Variants in RANGAP1 observed in about 807,000 individuals in gnomAD.
RANGAP1 encodes the protein Ran GTPase activating protein 1, also known as ran GTPase-activating protein 1.
In RANGAP1, 38 loss-of-function variants were observed where a neutral mutation model predicts 63.5. The observed-to-expected ratio is 0.60, with a 90% confidence interval of 0.46 to 0.78. The LOEUF (loss-of-function observed/expected upper bound fraction) is 0.78, where lower values mean the gene tolerates loss of function less well. Among genes scored for constraint, RANGAP1 ranks in the 30% least tolerant of loss-of-function variants. RANGAP1 has a pLI of 0.00. For synonymous variants in RANGAP1, 329 were observed against 310.5 expected (o/e 1.06, Z -0.63); for missense variants, 630 against 740.3 (o/e 0.85, Z 1.73).
the RANGAP1 span, among the ~76,000 whole-genome samples, chr22:41,294,621 G>A: frequency 2.1e-5 from 3 of 143,646 alleles, no homozygotes; most frequent in South Asian, 2.4e-4. Flanking sequence ...GCCTCTTCCC[G>A]GCCGCCATCC....
chr22:41,286,311 G>C (rs568633122), upstream of RANGAP1: 2 of 152,298 alleles, frequency 1.3e-5, no homozygotes, highest in Non-Finnish European at 2.9e-5. Flanking sequence ...GAGTAGTCCG[G>C]TTCCCCATCT....
chr22:41,280,988 G>C lies in RANGAP1; in HGVS notation c.57C>G (p.Ala19=), dbSNP rs777396352. 1.9e-6 allele frequency: 3 copies of C among 1,613,496 alleles called. No homozygotes were observed. The highest frequency in any genetic ancestry group is 1.1e-5 in the South Asian group (1 of 91,036). The change falls in exon 2 of 16, where the codon GCC becomes GCG. Residue 19 remains alanine (A), a synonymous_variant. Transcript: ENST00000356244. ...TGCCTTTGAAACTCAGCTGTCCCCC[G>C]GCCACCTGAGTCTTGGCAAGTGTCT... ...LAETLAKTQV[A]GGQLSFKGKS... is the part of the protein sequence containing the mutation.
intron 4 of RANGAP1, among the ~76,000 whole-genome samples, chr22:41,265,852 C>T (rs1479018829): frequency 1.3e-5 from 2 of 152,168 alleles, no homozygotes; most frequent in African/African-American, 4.8e-5. Context: ...TACCATCCTC[C>T]CACCACTCAG....
chr22:41,264,259 G>A (rs1278176039), intron 5 of RANGAP1, among the ~76,000 whole-genome samples: 1 of 148,934 alleles, frequency 6.7e-6, no homozygotes, highest in Non-Finnish European at 1.5e-5. Flanking sequence ...GCAAGGCCCT[G>A]TCTAGGAATA....
chr22:41,281,697 A>G, intron 1 of RANGAP1: 1 of 930,094 alleles, frequency 1.1e-6, no homozygotes, highest in Non-Finnish European at 1.3e-6. Context: ...ACATCACAAC[A>G]GCTACCATCA....
chr22:41,255,421 C>G (rs897004537), intron 10 of RANGAP1, among the ~76,000 whole-genome samples: 1 of 152,122 alleles, frequency 6.6e-6, no homozygotes, highest in Non-Finnish European at 1.5e-5. Context: ...GGCCACTCCC[C>G]GGCCACCCAC....
chr22:41,273,091 C>T (rs1159476953), intron 3 of RANGAP1, among the ~76,000 whole-genome samples: 1 of 152,114 alleles, frequency 6.6e-6, no homozygotes, highest in African/African-American at 2.4e-5. Context: ...CCATCGTGCC[C>T]GACTGATCGT....
intron 3 of RANGAP1, among the ~76,000 whole-genome samples, chr22:41,268,621 T>G (rs2034620064): frequency 6.6e-6 from 1 of 152,192 alleles, no homozygotes; most frequent in Non-Finnish European, 1.5e-5. Flanking sequence ...TGGTGGGACC[T>G]GGAGGCCAGT....
At chr22:41,279,588 G>A (rs1342846609) in intron 2 of RANGAP1, among the ~76,000 whole-genome samples, 1 of 151,896 alleles carries the variant, frequency 6.6e-6, no homozygotes. Flanking sequence ...GTTAAAGTGA[G>A]CTGAGATTGC....
upstream of RANGAP1, among the ~76,000 whole-genome samples, chr22:41,286,585 C>T (rs140313149): frequency 6.6e-6 from 1 of 152,364 alleles, no homozygotes; most frequent in African/African-American, 2.4e-5. Context: ...GTCTCTTGGG[C>T]AAGACACAGG....
intron 12 of RANGAP1, among the ~76,000 whole-genome samples, chr22:41,251,680 T>G (rs1212695681): frequency 6.6e-6 from 1 of 151,540 alleles, no homozygotes; most frequent in Non-Finnish European, 1.5e-5. Flanking sequence ...ATCTTGTAAT[T>G]GAACTTGAAG....
intron 2 of RANGAP1, chr22:41,280,662 T>C: frequency 7.2e-7 from 1 of 1,384,036 alleles, no homozygotes; most frequent in South Asian, 1.2e-5. Context: ...TGGCACTAAC[T>C]GTGGCCCCTC....
intron 2 of RANGAP1, among the ~76,000 whole-genome samples, chr22:41,280,265 A>G (rs2035421449): frequency 6.6e-6 from 1 of 152,126 alleles, no homozygotes; most frequent in Admixed American, 6.5e-5. Context: ...GCATGTCCAG[A>G]CCAGTTCCCC....
chr22:41,278,429 C>A (rs778882736), intron 2 of RANGAP1, among the ~76,000 whole-genome samples: 7 of 152,244 alleles, frequency 4.6e-5, no homozygotes, highest in Non-Finnish European at 8.8e-5. Context: ...TTCCAATCTG[C>A]AAAATGGAAA....
intron 2 of RANGAP1, 134 bp from the exon 3 acceptor site, chr22:41,274,861 G>GA (rs2035045716): frequency 8.9e-7 from 1 of 1,124,582 alleles, no homozygotes; most frequent in Admixed American, 2.1e-5. Context: ...GGCTTACAGA[G>GA]AATCAGACAG....
chr22:41,290,712 G>T (rs1422295091), upstream of RANGAP1, among the ~76,000 whole-genome samples: 1 of 152,190 alleles, frequency 6.6e-6, no homozygotes, highest in Non-Finnish European at 1.5e-5. Flanking sequence ...TTACTTAACT[G>T]AGTGTTTTAA....
rs2034595358 is a variant in RANGAP1 at position 41,268,175 on chromosome 22, AAG to A, written c.241-21_241-20del. The stretch of plus-strand genomic sequence containing the variant: ...GGCAGCGCTGCAACGGAAAGAAGAG[AAG>A]AGTTAGCGGGAGAGAGACCCCTGGA... On this transcript the variant is annotated intron_variant, in intron 3 of 15. Coordinates refer to ENST00000356244, the MANE Select transcript of RANGAP1 (RefSeq NM_002883.4). The A allele has an allele frequency of 6.5e-7, 1 of 1,535,540 alleles. No homozygotes were observed. The highest frequency in any genetic ancestry group is 8.8e-7 in the Non-Finnish European group (1 of 1,132,172).
At chr22:41,253,090 C>A in intron 11 of RANGAP1, 99 bp from the exon 12 acceptor site, 1 of 1,214,742 alleles carries the variant, frequency 8.2e-7, no homozygotes, top group Non-Finnish European at 1.1e-6. Context: ...ACCCTTCACT[C>A]CAGCCCATCT....
chr22:41,274,423 G>A (rs1431926171), intron 3 of RANGAP1, among the ~76,000 whole-genome samples, 177 bp downstream of exon 3: 1 of 152,244 alleles, frequency 6.6e-6, no homozygotes, highest in East Asian at 1.9e-4. Context: ...GCTGACTACA[G>A]GGAGAGGGTC....
Sources: allele counts gnomAD v4.1 joint callset (sites outside exome capture counted in the v4.1 genomes callset), GRCh38; gene constraint gnomAD v4.1.1; transcripts MANE v1.5; gene names NCBI Gene and HGNC (gene_info 2026-07-23, HGNC 2026-07-21).